The following KIF7 variants were observed in gnomAD, a reference collection of about 807,000 sequenced individuals.
KIF7 encodes kinesin family member 7.
KIF7 carries 104 observed loss-of-function variants against 135.7 expected under a neutral mutation model. That is an observed-to-expected ratio of 0.77 (90% CI 0.65 to 0.90). The LOEUF is 0.90. Among genes scored for constraint, KIF7 ranks in the 40% least tolerant of loss-of-function variants. KIF7 has a pLI of 0.00. For synonymous variants in KIF7, 883 were observed against 809.4 expected (o/e 1.09, Z -1.54); for missense variants, 2,005 against 1,839.1 (o/e 1.09, Z -1.65).
Position 89,629,093 on chromosome 15 carries a change from TG to T in KIF7, c.3546del (p.Ser1182ArgfsTer22). The T allele has an allele frequency of 6.2e-7, 1 of 1,612,480 alleles. No individual in the cohort carries two copies. Among genetic ancestry groups the T allele is most frequent in the Non-Finnish European group, 8.5e-7 (1 of 1,179,724 alleles). ...RDHLGEGLADSRRQYEARIQA... is the reference protein window; with the variant it reads ...RDHLGEGLADXRRQYEARIQA... ...TGAATCCGGGCCTCATACTGCCTCCTGCTGTCTGCTAACCCTTCACCGAGGT... is the reference window on the plus strand; with the variant it reads ...TGAATCCGGGCCTCATACTGCCTCCTCTGTCTGCTAACCCTTCACCGAGGT... On this transcript the variant is annotated frameshift_variant, in exon 18 of 19. Coordinates refer to ENST00000394412, the MANE Select transcript of KIF7 (RefSeq NM_198525.3). LOFTEE classifies it high-confidence loss of function.
At chr15:89,645,628 A>G (rs1963998154) in intron 8 of KIF7, among the ~76,000 whole-genome samples, 177 bp from the exon 9 acceptor site, 1 of 152,146 alleles carries the variant, frequency 6.6e-6, no homozygotes, top group African/African-American at 2.4e-5. Flanking sequence ...TAGGAGGTAC[A>G]GGGCAGCTGG....
chr15:89,627,049 G>A (rs145064587), downstream of KIF7: 34 of 1,613,958 alleles, frequency 2.1e-5, no homozygotes, highest in Admixed American at 3.3e-5. Flanking sequence ...ACTTATACAC[G>A]GAAGAAGCTC....
chr15:89,656,367 T>C (rs1396508284), upstream of KIF7, among the ~76,000 whole-genome samples: 1 of 151,896 alleles, frequency 6.6e-6, no homozygotes, highest in Non-Finnish European at 1.5e-5. Context: ...CTCTTTTTTT[T>C]TTTTTGCCAT....
At chr15:89,626,010 C>G, downstream of KIF7, 1 of 1,613,120 alleles carries the variant, frequency 6.2e-7, no homozygotes, top group South Asian at 1.1e-5. Context: ...GACCCAGTCT[C>G]CGCTGCTGTT....
chr15:89,644,422 C>T (rs966238544), intron 10 of KIF7, among the ~76,000 whole-genome samples: 17 of 152,076 alleles, frequency 1.1e-4, no homozygotes, highest in Admixed American at 1.1e-3. Flanking sequence ...CGCCTGTAAT[C>T]CCAGCACTTG....
Position 89,635,742 on chromosome 15 carries a change from G to A in KIF7, c.2395-1859C>T, listed in dbSNP as rs530763603. Among the ~76,000 whole-genome samples, 1,162 of 152,270 alleles carry A rather than the reference G, an allele frequency of 7.6e-3. 11 individuals carry two copies. Among genetic ancestry groups the A allele is most frequent in the African/African-American group, 0.026 (1,089 of 41,534 alleles). On this transcript the variant is annotated intron_variant, in intron 11 of 18. Transcript: ENST00000394412. ...TGACGGGGAGAATGGAACCAAGTTGGAAAACACTCTGCAGGATATTATCCA... is the reference window on the plus strand; with the variant it reads ...TGACGGGGAGAATGGAACCAAGTTGAAAAACACTCTGCAGGATATTATCCA...
At chr15:89,621,982 CTTTTTTTT>C (rs34123859) in intron 1 of KIF7, among the ~76,000 whole-genome samples, 42 of 87,778 alleles carry the variant, frequency 4.8e-4, no homozygotes, top group Non-Finnish European at 6.4e-4. Flanking sequence ...CAAACTGACT[CTTTTTTTT>C]TTTTTTTTTT....
chr15:89,649,762 C>T lies in KIF7; in HGVS notation c.508G>A (p.Glu170Lys), dbSNP rs1964093851. The change falls in exon 3 of 19, where the codon GAA becomes AAA. Residue 170 changes from glutamate (E) to lysine (K), a missense_variant. Transcript: ENST00000394412. Reference protein sequence around the residue: ...GTASRDIQLREDERGNVVLCG... With the variant: ...GTASRDIQLRKDERGNVVLCG... ...TCACCAACATTCCCGCGCTCATCTT[C>T]CCGGAGCTGGATGTCACGGCTGGCA... 3 of 1,551,928 alleles carry T rather than the reference C, an allele frequency of 1.9e-6. No individual in the cohort carries two copies. The highest frequency in any genetic ancestry group is 2.6e-6 in the Non-Finnish European group (3 of 1,147,038).
At chr15:89,644,874 G>C in intron 10 of KIF7, 139 bp downstream of exon 10, 1 of 1,095,212 alleles carries the variant, frequency 9.1e-7, no homozygotes, top group Non-Finnish European at 1.3e-6. Flanking sequence ...AGCTGGAAGA[G>C]GCTGGGCTGA....
At chr15:89,626,855 T>TAA, downstream of KIF7, 1 of 1,340,796 alleles carries the variant, frequency 7.5e-7, no homozygotes, top group African/African-American at 1.5e-5. Context: ...CTGATTTTCT[T>TAA]AAAGTCTGTT....
chr15:89,662,959 G>A, the KIF7 span, among the ~76,000 whole-genome samples: 4 of 152,308 alleles, frequency 2.6e-5, 1 homozygote, highest in South Asian at 8.3e-4. Flanking sequence ...TTCCATATGC[G>A]GCCTCCAGCA....
At chr15:89,627,134 T>A (rs773547660), downstream of KIF7, 1 of 1,607,400 alleles carries the variant, frequency 6.2e-7, no homozygotes, top group Admixed American at 1.7e-5. Context: ...GCCAGGACCC[T>A]GTGGACATAA....
chr15:89,651,027 G>C (rs1964114746), intron 2 of KIF7, among the ~76,000 whole-genome samples: 1 of 151,606 alleles, frequency 6.6e-6, no homozygotes, highest in African/African-American at 2.4e-5. Context: ...TGCCTCCTGG[G>C]TTCAAGCAAT....
At chr15:89,618,162 C>T (rs1393830761) in exon 2 of KIF7, 4 of 1,614,022 alleles carry the variant, frequency 2.5e-6, no homozygotes, top group Non-Finnish European at 3.4e-6. Context: ...GTCCTCTGAT[C>T]CTGGTCCTGA....
At chr15:89,629,166 G>T (rs969029275) in intron 17 of KIF7, 44 bp from the exon 18 acceptor site, 15 of 1,598,530 alleles carry the variant, frequency 9.4e-6, no homozygotes, top group Non-Finnish European at 1.2e-5. Context: ...GGCTGCAGGC[G>T]GGGCAGGCGG....
Position 89,646,954 on chromosome 15 carries a change from G to C in KIF7, c.1664C>G (p.Pro555Arg), listed in dbSNP as rs745360830. The change falls in exon 7 of 19, where the codon CCT becomes CGT. Residue 555 changes from proline (P) to arginine (R), a missense_variant. Coordinates refer to ENST00000394412, the MANE Select transcript of KIF7 (RefSeq NM_198525.3). ...AGGTCGAGGCACAAAGGACCCGGGAGGCAGGCCATTCAGGAGCCGCGGGCC... is the reference window on the plus strand; with the variant it reads ...AGGTCGAGGCACAAAGGACCCGGGACGCAGGCCATTCAGGAGCCGCGGGCC... ...WGGPRLLNGLPPGSFVPRPHT... is the reference protein window; with the variant it reads ...WGGPRLLNGLRPGSFVPRPHT... 1.9e-6 allele frequency: 3 copies of C among 1,613,758 alleles called. No homozygotes were observed. The highest frequency in any genetic ancestry group is 2.5e-6 in the Non-Finnish European group (3 of 1,179,900).
chr15:89,643,253 A>T (rs1019277107), intron 10 of KIF7, among the ~76,000 whole-genome samples: 1 of 152,248 alleles, frequency 6.6e-6, no homozygotes, highest in African/African-American at 2.4e-5. Flanking sequence ...CTGACCATTT[A>T]CAGATTTTTC....
intron 11 of KIF7, among the ~76,000 whole-genome samples, chr15:89,635,407 G>T (rs1328903057): frequency 2.0e-5 from 3 of 152,112 alleles, no homozygotes; most frequent in African/African-American, 4.8e-5. Flanking sequence ...CAAACCAAAG[G>T]CAAAGAAGTT....
downstream of KIF7, chr15:89,625,590 G>A: frequency 6.2e-7 from 1 of 1,613,040 alleles, no homozygotes; most frequent in East Asian, 2.2e-5. Context: ...CTAAGGCCGA[G>A]GAAGCCTCTT....
Sources: gnomAD v4.1 joint callset for allele counts (sites outside exome capture counted in the v4.1 genomes callset) on GRCh38, gnomAD v4.1.1 for gene constraint, MANE v1.5 for transcripts, NCBI Gene and HGNC (gene_info 2026-07-23, HGNC 2026-07-21) for gene names.